ABCC9: variants seen among roughly 807,000 people sequenced by gnomAD.
The protein encoded by ABCC9 is ATP binding cassette subfamily C member 9, also known as ATP-binding cassette sub-family C member 9.
ABCC9 carries 95 observed loss-of-function variants against 188.3 expected under a neutral mutation model. The ratio of observed to expected loss-of-function variants is 0.50; its 90% CI spans 0.43 to 0.60. The LOEUF (loss-of-function observed/expected upper bound fraction) is 0.60, where lower values mean the gene tolerates loss of function less well. Ranked by LOEUF, ABCC9 falls within the 20% of genes least tolerant of loss-of-function variation. ABCC9 has a pLI of 0.00. For missense variants in ABCC9, 1,102 were observed against 1,876.3 expected (o/e 0.59, Z 7.62); for synonymous variants, 659 against 652.7 (o/e 1.01, Z -0.15).
chr12:21,844,290 A>T (rs1049454002), intron 28 of ABCC9, among the ~76,000 whole-genome samples, 193 bp downstream of exon 28: 1 of 152,188 alleles, frequency 6.6e-6, no homozygotes, highest in African/African-American at 2.4e-5. Flanking sequence ...TGTACAAATT[A>T]GTCTGAGTTA....
At chr12:21,904,755 C>T (rs780453614) in intron 12 of ABCC9, among the ~76,000 whole-genome samples, 15 of 152,030 alleles carry the variant, frequency 9.9e-5, no homozygotes, top group Non-Finnish European at 1.3e-4. Flanking sequence ...GTTAGAATGG[C>T]GATCATTAAA....
Position 21,809,823 on chromosome 12 carries a change from AAAAT to A in ABCC9, c.4315+25_4315+28del, listed in dbSNP as rs751639978. 169 of 1,368,546 alleles carry A rather than the reference AAAAT, an allele frequency of 1.2e-4. No individual in the cohort carries two copies. The Admixed American group carries it at 2.8e-3, about 22-fold the overall frequency. 84.8% of individuals were successfully genotyped at this position (1,368,546 alleles called of 1,614,324 possible). ...TATGTAGGATTAATGGCATATATAA[AAAAT>A]AAATATGCTATTTAGGAAATATACC... On this transcript the variant is annotated intron_variant, in intron 37 of 39. Transcript: ENST00000261200.
intron 14 of ABCC9, among the ~76,000 whole-genome samples, chr12:21,891,969 A>G (rs950469161): frequency 3.3e-5 from 5 of 152,186 alleles, no homozygotes; most frequent in Non-Finnish European, 7.3e-5. Context: ...AAAAAGGATT[A>G]ATGTTCTCTG....
chr12:21,869,862 C>G (rs147134766), intron 18 of ABCC9, among the ~76,000 whole-genome samples: 172 of 152,226 alleles, frequency 1.1e-3, no homozygotes, highest in African/African-American at 3.9e-3. Context: ...AGGAGGTACT[C>G]AGTAAATGTT....
chr12:21,859,497 C>G (rs977283803), intron 22 of ABCC9, 89 bp downstream of exon 22: 2 of 1,281,506 alleles, frequency 1.6e-6, no homozygotes, highest in Non-Finnish European at 2.3e-6. Flanking sequence ...ACCATCTTTC[C>G]TTGAGTTACT....
chr12:21,938,460 G>A (rs1372764649), intron 2 of ABCC9, among the ~76,000 whole-genome samples: 1 of 152,086 alleles, frequency 6.6e-6, no homozygotes, highest in African/African-American at 2.4e-5. Flanking sequence ...ATTTATAGGT[G>A]TATGTTAGAT....
chr12:21,934,459 T>C (rs1193522853), intron 3 of ABCC9, among the ~76,000 whole-genome samples: 1 of 152,136 alleles, frequency 6.6e-6, no homozygotes, highest in Non-Finnish European at 1.5e-5. Context: ...GATACTTTTC[T>C]CAAAGAAAGC....
At chr12:21,922,071 A>ATT (rs1276902502) in intron 5 of ABCC9, among the ~76,000 whole-genome samples, 1 of 151,960 alleles carries the variant, frequency 6.6e-6, no homozygotes, top group East Asian at 1.9e-4. Context: ...CTGCCTATAA[A>ATT]TTTTAGAATT....
intron 27 of ABCC9, 105 bp from the exon 28 acceptor site, chr12:21,844,657 A>G: frequency 6.4e-7 from 1 of 1,564,606 alleles, no homozygotes. Flanking sequence ...CTCCCTATTC[A>G]TTTGCTCAAG....
chr12:21,850,015 G>A (rs965485162), intron 24 of ABCC9, among the ~76,000 whole-genome samples: 3 of 151,524 alleles, frequency 2.0e-5, no homozygotes, highest in East Asian at 1.9e-4. Flanking sequence ...TGCATCCTTC[G>A]GTTTCACCTT....
rs1945021444 is a variant in ABCC9 at position 21,852,513 on chromosome 12, C to A, written c.2506-8G>T. The A allele has an allele frequency of 6.2e-7, 1 of 1,608,686 alleles. No individual in the cohort carries two copies. Among genetic ancestry groups the A allele is most frequent in the Non-Finnish European group, 8.5e-7 (1 of 1,179,882 alleles). ...GGCTGAGAATGGATCATCCTGCAAT[C>A]AGTAAAATGGAGGAAAGATGGACGT... On this transcript the variant is annotated splice_polypyrimidine_tract_variant and splice_region_variant and intron_variant, in intron 22 of 39. Coordinates refer to ENST00000261200, the MANE Select transcript of ABCC9 (RefSeq NM_020297.4).
rs749318820 is a variant in ABCC9 at position 21,910,840 on chromosome 12, G to A, written c.1150C>T (p.Arg384Cys). Reference protein sequence around the residue: ...YVTIETGINLRGALLAMIYNK... With the variant: ...YVTIETGINLCGALLAMIYNK... ...CCTTTACATACCAGCAGAGCTCCAC[G>A]GAGGTTAATGCCAGTCTCTATGGTT... is the stretch of plus-strand genomic sequence containing the variant. The change falls in exon 9 of 40, where the codon CGT (arginine) becomes TGT (cysteine). Residue 384 changes from arginine (R) to cysteine (C), a missense_variant. By Grantham distance (180) the Arg-to-Cys change is radical. Around this residue, in one of 12 missense-constraint regions of ABCC9, gnomAD observed 305 missense variants for 573.0 expected, o/e 0.53. Transcript: ENST00000261200. 1.9e-6 allele frequency: 3 copies of A among 1,611,868 alleles called. No individual in the cohort carries two copies. The highest frequency in any genetic ancestry group is 1.1e-5 in the South Asian group (1 of 91,040).
At chr12:21,907,774 C>T (rs1020729748) in intron 11 of ABCC9, among the ~76,000 whole-genome samples, 4 of 152,096 alleles carry the variant, frequency 2.6e-5, no homozygotes, top group Non-Finnish European at 4.4e-5. Context: ...CCTCAAAGTA[C>T]GCTTAAGATT....
At chr12:21,935,772 G>A (rs1949461387) in intron 3 of ABCC9, among the ~76,000 whole-genome samples, 1 of 151,834 alleles carries the variant, frequency 6.6e-6, no homozygotes, top group African/African-American at 2.4e-5. Flanking sequence ...TAGGCTCAAT[G>A]GATATTTATT....
intron 25 of ABCC9, among the ~76,000 whole-genome samples, chr12:21,847,422 T>C (rs1944731271): frequency 6.6e-6 from 1 of 152,150 alleles, no homozygotes; most frequent in Non-Finnish European, 1.5e-5. Context: ...TAAAAGCACA[T>C]TTTGGTGCTA....
At chr12:21,818,819 G>T (rs1942849988) in intron 31 of ABCC9, among the ~76,000 whole-genome samples, 1 of 151,676 alleles carries the variant, frequency 6.6e-6, no homozygotes, top group Non-Finnish European at 1.5e-5. Context: ...TTAACTTGTT[G>T]GGATTTGTAT....
intron 34 of ABCC9, among the ~76,000 whole-genome samples, chr12:21,815,258 C>A (rs910968282): frequency 1.3e-5 from 2 of 150,094 alleles, no homozygotes; most frequent in Non-Finnish European, 3.0e-5. Context: ...TTTTTATTTT[C>A]ATGTGATTGC....
chr12:21,807,586 T>C, intron 37 of ABCC9, 107 bp from the exon 38 acceptor site: 1 of 1,478,138 alleles, frequency 6.8e-7, no homozygotes, highest in Non-Finnish European at 9.3e-7. Flanking sequence ...ATGATGGATA[T>C]CACTTAGTGC....
At chr12:21,904,343 A>G (rs1947926905) in intron 12 of ABCC9, among the ~76,000 whole-genome samples, 1 of 152,222 alleles carries the variant, frequency 6.6e-6, no homozygotes, top group Non-Finnish European at 1.5e-5. Context: ...AAACCTAGGC[A>G]ATACCATTCA....
Sources: allele counts gnomAD v4.1 joint callset (sites outside exome capture counted in the v4.1 genomes callset), GRCh38; gene constraint gnomAD v4.1.1; regional missense constraint gnomAD v4.1.1; transcripts MANE v1.5; gene names NCBI Gene and HGNC (gene_info 2026-07-23, HGNC 2026-07-21).